RASAL2: variants seen among roughly 807,000 people sequenced by gnomAD.
The protein encoded by RASAL2 is RAS protein activator like 2.
Under a neutral mutation model 128.9 loss-of-function variants are expected in RASAL2, and 58 were observed. The ratio of observed to expected loss-of-function variants is 0.45; its 90% CI spans 0.36 to 0.56. RASAL2 has a LOEUF of 0.56. Among genes scored for constraint, RASAL2 ranks in the 20% least tolerant of loss-of-function variants. The pLI is 0.00. For synonymous variants in RASAL2, 561 were observed against 580.8 expected (o/e 0.97, Z 0.49); for missense variants, 1,360 against 1,601.6 (o/e 0.85, Z 2.57).
chr1:178,458,969 A>G (rs1399394246), intron 14 of RASAL2, among the ~76,000 whole-genome samples: 1 of 152,214 alleles, frequency 6.6e-6, no homozygotes, highest in Non-Finnish European at 1.5e-5. Context: ...AGAGTTTAAT[A>G]TGACTGCTCT....
chr1:178,121,687 T>C (rs970720105), intron 1 of RASAL2, among the ~76,000 whole-genome samples: 1 of 152,096 alleles, frequency 6.6e-6, no homozygotes, highest in Non-Finnish European at 1.5e-5. Context: ...GGTTTTGCCG[T>C]GTTAGCCAGG....
At chr1:178,216,947 AT>A (rs942255814) in intron 1 of RASAL2, among the ~76,000 whole-genome samples, 1 of 151,684 alleles carries the variant, frequency 6.6e-6, no homozygotes, top group African/African-American at 2.4e-5. Context: ...TGCACCCTTA[AT>A]TTTTTTTAAG....
At position 178,464,276 on chromosome 1, in the gene RASAL2, AG is replaced by A. The variant is rs755250741; in HGVS notation, c.3253del. 6.2e-7 allele frequency: 1 copy of A among 1,605,890 alleles called. No homozygotes were observed. The highest frequency in any genetic ancestry group is 1.1e-5 in the South Asian group (1 of 89,102). On this transcript the variant is annotated splice_acceptor_variant, in intron 14 of 17. Transcript: ENST00000367649. LOFTEE classifies it high-confidence loss of function. ...AAATGCTAATAACTGTTTCTGATGC[AG>A]GTTCAGTCACCTGTGGACTCTGCCA...
intron 1 of RASAL2, among the ~76,000 whole-genome samples, chr1:178,154,650 C>T (rs550315818): frequency 1.3e-5 from 2 of 152,278 alleles, no homozygotes; most frequent in East Asian, 3.9e-4. Context: ...TCCCTGATGA[C>T]TAATTAAGTT....
At chr1:178,382,697 G>C (rs180752165) in intron 3 of RASAL2, among the ~76,000 whole-genome samples, 1 of 152,146 alleles carries the variant, frequency 6.6e-6, no homozygotes, top group Admixed American at 6.5e-5. Flanking sequence ...AAATAATAAG[G>C]CATAATACAA....
intron 5 of RASAL2, 129 bp downstream of exon 5, chr1:178,420,749 G>C: frequency 1.5e-6 from 1 of 654,714 alleles, no homozygotes; most frequent in South Asian, 2.4e-5. Context: ...CTTTTATGTC[G>C]TGTTCATATT....
chr1:178,374,234 A>G (rs1050263059), intron 3 of RASAL2, among the ~76,000 whole-genome samples: 2 of 152,172 alleles, frequency 1.3e-5, no homozygotes, highest in African/African-American at 4.8e-5. Context: ...TTCGAGGATT[A>G]AGTAAAACCC....
chr1:178,147,475 G>A (rs1316435694), intron 1 of RASAL2, among the ~76,000 whole-genome samples: 7 of 120,670 alleles, frequency 5.8e-5, no homozygotes, highest in Admixed American at 8.7e-5. Flanking sequence ...GTGAGACTCC[G>A]TCTCAAAAAA....
chr1:178,472,029 G>A (rs542769901), intron 17 of RASAL2, among the ~76,000 whole-genome samples: 14 of 152,148 alleles, frequency 9.2e-5, no homozygotes, highest in Non-Finnish European at 1.6e-4. Context: ...TACAGGCATA[G>A]GTAAAGACTG....
intron 3 of RASAL2, among the ~76,000 whole-genome samples, chr1:178,305,595 A>G (rs1415899025): frequency 6.6e-6 from 1 of 152,218 alleles, no homozygotes; most frequent in African/African-American, 2.4e-5. Context: ...TGAAGTTACT[A>G]TTGTTTAAAG....
chr1:178,354,343 A>G (rs1670679584), intron 3 of RASAL2, among the ~76,000 whole-genome samples: 1 of 152,196 alleles, frequency 6.6e-6, no homozygotes. Flanking sequence ...AATAGAAAAG[A>G]ATTTCTTTAC....
rs1308282681 is a variant in RASAL2, at chr1:178,390,011, A to C, written c.458-89A>C. ...ATATACCTTTAAAGCATGCTGGTTTATTGTGAAAAACCAGTAACTTTACAG... is the reference window on the plus strand; with the variant it reads ...ATATACCTTTAAAGCATGCTGGTTTCTTGTGAAAAACCAGTAACTTTACAG... On this transcript the variant is annotated intron_variant, in intron 3 of 17. Transcript: ENST00000367649. 6.3e-6 allele frequency: 5 copies of C among 788,766 alleles called. No homozygotes were observed. The Admixed American group carries it at 1.2e-4, about 19-fold the overall frequency. 48.9% of individuals were successfully genotyped at this position (788,766 alleles called of 1,614,324 possible).
chr1:178,330,649 G>A (rs1002501323), intron 3 of RASAL2, among the ~76,000 whole-genome samples: 1 of 152,062 alleles, frequency 6.6e-6, no homozygotes, highest in African/African-American at 2.4e-5. Flanking sequence ...TAAATGGAAG[G>A]AAAAGAAAAA....
chr1:178,163,551 G>T (rs1222063671), intron 1 of RASAL2, among the ~76,000 whole-genome samples: 1 of 152,078 alleles, frequency 6.6e-6, no homozygotes, highest in African/African-American at 2.4e-5. Context: ...ATCATTTGTT[G>T]AAAAGACTAT....
At chr1:178,459,456 T>C (rs1233164553) in intron 14 of RASAL2, among the ~76,000 whole-genome samples, 1 of 152,176 alleles carries the variant, frequency 6.6e-6, no homozygotes, top group African/African-American at 2.4e-5. Context: ...CTAATGATAG[T>C]ACTAAAAAAC....
chr1:178,244,943 A>G (rs746416400), intron 1 of RASAL2, among the ~76,000 whole-genome samples: 3 of 152,104 alleles, frequency 2.0e-5, no homozygotes, highest in African/African-American at 7.2e-5. Context: ...TCCATGGTGT[A>G]TATGTGCCAC....
chr1:178,434,657 C>T (rs1676138866), intron 5 of RASAL2, among the ~76,000 whole-genome samples: 2 of 151,988 alleles, frequency 1.3e-5, no homozygotes, highest in South Asian at 4.1e-4. Context: ...GCTTTAACTA[C>T]AGCAGGTAAA....
At chr1:178,470,903 C>G (rs1005302502) in intron 17 of RASAL2, among the ~76,000 whole-genome samples, 3 of 152,132 alleles carry the variant, frequency 2.0e-5, no homozygotes, top group Non-Finnish European at 4.4e-5. Context: ...CATCTTTTGT[C>G]AACTGAACTT....
At chr1:178,450,536 A>G (rs1309486116) in intron 9 of RASAL2, among the ~76,000 whole-genome samples, 1 of 152,136 alleles carries the variant, frequency 6.6e-6, no homozygotes, top group East Asian at 1.9e-4. Context: ...CATTTATCCA[A>G]ATACTAACCA....
Sources: allele counts gnomAD v4.1 joint callset (sites outside exome capture counted in the v4.1 genomes callset), GRCh38; gene constraint gnomAD v4.1.1; transcripts MANE v1.5; gene names NCBI Gene and HGNC (gene_info 2026-07-23, HGNC 2026-07-21).